The following SMCHD1 variants were observed in gnomAD, a reference collection of about 807,000 sequenced individuals.
SMCHD1 encodes structural maintenance of chromosomes flexible hinge domain-containing protein 1.
In SMCHD1, 78 loss-of-function variants were observed where a neutral mutation model predicts 254.7. That is an observed-to-expected ratio of 0.31 (90% CI 0.26 to 0.37). SMCHD1 has a LOEUF of 0.37. Ranked by LOEUF, SMCHD1 falls within the 10% of genes least tolerant of loss-of-function variation. The pLI is 1.00. For missense variants in SMCHD1, 1,840 were observed against 2,408.1 expected, an observed-to-expected ratio of 0.76 and a Z score of 4.94; for synonymous variants, 766 against 794.9, an observed-to-expected ratio of 0.96 and a Z score of 0.61.
At chr18:2,785,928 A>G (rs1188593466) in intron 45 of SMCHD1, among the ~76,000 whole-genome samples, 1 of 152,186 alleles carries the variant, frequency 6.6e-6, no homozygotes, top group Non-Finnish European at 1.5e-5. Context: ...TAAGTGTTAG[A>G]ATGTCCTTCC....
intron 5 of SMCHD1, among the ~76,000 whole-genome samples, chr18:2,679,656 C>CT (rs1466591732): frequency 6.6e-6 from 1 of 151,930 alleles, no homozygotes; most frequent in Non-Finnish European, 1.5e-5. Context: ...TTGAGATTCT[C>CT]TTTTTGTCTC....
Position 2,728,535 on chromosome 18 carries a change from T to C in SMCHD1, c.2852T>C (p.Val951Ala). The C allele has an allele frequency of 6.2e-7, 1 of 1,613,330 alleles. No individual in the cohort carries two copies. Among genetic ancestry groups the C allele is most frequent in the Non-Finnish European group, 8.5e-7 (1 of 1,179,558 alleles). The change falls in exon 23 of 48, where the codon GTG (valine) becomes GCG (alanine). Residue 951 changes from valine (V) to alanine (A), a missense_variant. Physicochemically the swap from Val to Ala is moderately conservative, Grantham distance 64. Transcript: ENST00000320876. Reference protein sequence around the residue: ...IENGTAFPFQVEVLDESDNIT... With the variant: ...IENGTAFPFQAEVLDESDNIT... ...AATGGAACAGCTTTCCCATTTCAGG[T>C]GGAAGTTTTAGATGAATCAGACAAC...
chr18:2,733,580 TGTTCCCACTTG>T (rs2075185878), intron 25 of SMCHD1, among the ~76,000 whole-genome samples: 1 of 152,220 alleles, frequency 6.6e-6, no homozygotes, highest in Admixed American at 6.5e-5. Context: ...ACATTTGTTG[TGTTCCCACTTG>T]GTTCAGCTGG....
chr18:2,723,077 T>A (rs989149621), intron 20 of SMCHD1, among the ~76,000 whole-genome samples: 4 of 152,216 alleles, frequency 2.6e-5, no homozygotes, highest in African/African-American at 7.2e-5. Flanking sequence ...ATGTTCTCAA[T>A]CTTTTTGTTT....
At chr18:2,706,914 A>G (rs917639435) in intron 15 of SMCHD1, among the ~76,000 whole-genome samples, 16 of 152,196 alleles carry the variant, frequency 1.1e-4, no homozygotes, top group Non-Finnish European at 2.4e-4. Context: ...ACTTATAATC[A>G]TGGCATAAGG....
At chr18:2,786,599 G>A (rs2076244106) in intron 45 of SMCHD1, among the ~76,000 whole-genome samples, 1 of 152,084 alleles carries the variant, frequency 6.6e-6, no homozygotes. Context: ...AGCTCAGGCA[G>A]GACCATCACT....
At chr18:2,726,417 G>T in intron 21 of SMCHD1, 35 bp from the exon 22 acceptor site, 1 of 1,203,406 alleles carries the variant, frequency 8.3e-7, no homozygotes, top group Non-Finnish European at 1.2e-6. Flanking sequence ...ATGTATTCAG[G>T]ACTGGGTTTA....
intron 45 of SMCHD1, among the ~76,000 whole-genome samples, chr18:2,788,806 C>T (rs997710605): frequency 5.3e-5 from 8 of 152,134 alleles, no homozygotes; most frequent in Non-Finnish European, 1.0e-4. Flanking sequence ...CCATGTTGGC[C>T]GGGCTGGTCT....
chr18:2,747,440 G>A, intron 29 of SMCHD1, 82 bp from the exon 30 acceptor site: 1 of 1,219,498 alleles, frequency 8.2e-7, no homozygotes. Context: ...TAAATTAAGT[G>A]ATCGTTACAC....
intron 42 of SMCHD1, among the ~76,000 whole-genome samples, chr18:2,776,451 C>G (rs575305140): frequency 1.3e-5 from 2 of 151,786 alleles, no homozygotes; most frequent in Non-Finnish European, 2.9e-5. Context: ...TCAAGCAGTC[C>G]TCCCACCTCA....
intron 35 of SMCHD1, 144 bp downstream of exon 35, chr18:2,760,883 G>A: frequency 3.8e-6 from 2 of 523,116 alleles, no homozygotes; most frequent in Admixed American, 3.6e-5. Flanking sequence ...AGTAATTATT[G>A]GATGTGAAAT....
intron 1 of SMCHD1, among the ~76,000 whole-genome samples, chr18:2,662,960 A>G (rs746670136): frequency 1.4e-4 from 21 of 152,050 alleles, no homozygotes; most frequent in Non-Finnish European, 3.1e-4. Flanking sequence ...TAAGGTACCT[A>G]TTTCTCTGTA....
At chr18:2,688,606 T>C in intron 6 of SMCHD1, 22 bp from the exon 7 acceptor site, 1 of 1,559,428 alleles carries the variant, frequency 6.4e-7, no homozygotes, top group Non-Finnish European at 8.7e-7. Context: ...ATTTAAAAAG[T>C]ACTCTTTTTA....
intron 29 of SMCHD1, among the ~76,000 whole-genome samples, chr18:2,745,994 T>C (rs2075447402): frequency 6.6e-6 from 1 of 152,070 alleles, no homozygotes; most frequent in South Asian, 2.1e-4. Context: ...GAAAAATAGA[T>C]GTGTATTAAT....
In SMCHD1 at chr18:2,803,255, T is replaced by G. The variant is rs1346484883; in HGVS notation, c.*703T>G. The G allele has an allele frequency of 1.3e-5, 2 of 148,648 alleles. No individual in the cohort carries two copies. The highest frequency in any genetic ancestry group is 2.4e-5 in the African/African-American group (1 of 40,838). The allele number at this position is 148,648 out of a possible 1,614,324, so 9.2% of individuals were successfully genotyped here. A position where few individuals can be genotyped will look rare whatever the true frequency, so the allele number is the denominator to read the frequency against. ...ATAAAATATTCAGCAGCACCAAGTTTTATAACTATTGTTTGTTTGACTTTA... is the reference window on the plus strand; with the variant it reads ...ATAAAATATTCAGCAGCACCAAGTTGTATAACTATTGTTTGTTTGACTTTA... On this transcript the variant is annotated 3_prime_UTR_variant, in exon 48 of 48. Transcript: ENST00000320876.
intron 45 of SMCHD1, chr18:2,785,086 T>A: frequency 3.7e-6 from 1 of 271,352 alleles, no homozygotes; most frequent in South Asian, 3.3e-5. Flanking sequence ...TGACATGTGA[T>A]CTCCTGCCCC....
intron 25 of SMCHD1, among the ~76,000 whole-genome samples, chr18:2,732,701 A>C (rs1430049928): frequency 1.3e-5 from 2 of 152,216 alleles, no homozygotes; most frequent in Non-Finnish European, 2.9e-5. Flanking sequence ...TATACTTAGA[A>C]AAATGATTTT....
intron 3 of SMCHD1, among the ~76,000 whole-genome samples, chr18:2,668,743 G>A (rs1012274554): frequency 6.6e-6 from 1 of 151,806 alleles, no homozygotes; most frequent in African/African-American, 2.4e-5. Flanking sequence ...AGACGTTTTC[G>A]CCTACCACTC....
In SMCHD1 at chr18:2,706,506, A is replaced by G. The variant is rs1173206665; in HGVS notation, c.2063+36A>G. The G allele has an allele frequency of 7.9e-6, 11 of 1,400,666 alleles. No individual in the cohort carries two copies. In the Admixed American group the frequency reaches 2.2e-4, roughly 28 times the overall value. The allele number at this position is 1,400,666 out of a possible 1,614,324, so 86.8% of individuals were successfully genotyped here. A position where few individuals can be genotyped will look rare whatever the true frequency, so the allele number is the denominator to read the frequency against. On this transcript the variant is annotated intron_variant, in intron 15 of 47. Coordinates refer to ENST00000320876, the MANE Select transcript of SMCHD1 (RefSeq NM_015295.3). ...CTTCAAGATGCATGACAAAAATAAG[A>G]AAAATTGGAAAGAATTGTGCTGTAA...
Sources: gnomAD v4.1 joint callset for allele counts (sites outside exome capture counted in the v4.1 genomes callset) on GRCh38, gnomAD v4.1.1 for gene constraint, MANE v1.5 for transcripts, NCBI Gene and HGNC (gene_info 2026-07-23, HGNC 2026-07-21) for gene names.